Variants in CSMD1 observed in about 807,000 individuals in gnomAD.
The protein encoded by CSMD1 is CUB and sushi domain-containing protein 1.
CSMD1 carries 213 observed loss-of-function variants against 417.5 expected under a neutral mutation model. The observed-to-expected ratio is 0.51, with a 90% CI of 0.46 to 0.57. The LOEUF is 0.57. CSMD1 is among the 20% of genes least tolerant of loss of function. The pLI, the probability that CSMD1 is intolerant of heterozygous loss-of-function variation, is 0.00. For missense variants in CSMD1, 6,923 were observed against 4,529.7 expected (o/e 1.53, Z -15.17); for synonymous variants, 2,862 against 1,736.8 (o/e 1.65, Z -16.11).
At chr8:3,833,077 GATTTTT>G (rs1049407274) in intron 5 of CSMD1, among the ~76,000 whole-genome samples, 9 of 152,104 alleles carry the variant, frequency 5.9e-5, no homozygotes, top group East Asian at 3.8e-4. Flanking sequence ...GAATGTTTCT[GATTTTT>G]ATTTTTATTT....
At chr8:3,599,944 A>T (rs1445123193) in intron 8 of CSMD1, among the ~76,000 whole-genome samples, 1 of 152,184 alleles carries the variant, frequency 6.6e-6, no homozygotes, top group African/African-American at 2.4e-5. Context: ...GTCTTAAAGC[A>T]AAGTGTCGGT....
intron 4 of CSMD1, among the ~76,000 whole-genome samples, chr8:4,006,193 C>G (rs1585119444): frequency 6.6e-6 from 1 of 152,108 alleles, no homozygotes; most frequent in African/African-American, 2.4e-5. Context: ...CATTCTCATG[C>G]AGTTGCTGAG....
At chr8:4,430,220 T>A (rs1369147699) in intron 2 of CSMD1, among the ~76,000 whole-genome samples, 1 of 152,182 alleles carries the variant, frequency 6.6e-6, no homozygotes, top group Admixed American at 6.5e-5. Context: ...AGGCCCCAGC[T>A]TTCTCATGCC....
At chr8:4,456,678 T>G (rs1292352083) in intron 2 of CSMD1, among the ~76,000 whole-genome samples, 1 of 152,146 alleles carries the variant, frequency 6.6e-6, no homozygotes, top group African/African-American at 2.4e-5. Flanking sequence ...TCTGATCTGA[T>G]GGATGCTGGC....
intron 20 of CSMD1, 81 bp from the exon 21 acceptor site, chr8:3,359,421 A>T: frequency 5.5e-5 from 42 of 757,218 alleles, no homozygotes; most frequent in Non-Finnish European, 7.4e-5. Context: ...AAAAAGTGCT[A>T]TTACTAAAAA....
intron 10 of CSMD1, among the ~76,000 whole-genome samples, chr8:3,548,541 C>T (rs947078591): frequency 1.1e-4 from 16 of 151,872 alleles, no homozygotes; most frequent in South Asian, 2.1e-4. Flanking sequence ...TGAGAACATA[C>T]GATGTTTGGT....
chr8:3,376,793 A>T lies in CSMD1; in HGVS notation c.2783-7423T>A, dbSNP rs78582766. ...CATGTTGATATACAATATTATAATTATTTTTTTTTCTTTTCTGAAAGCTAT... is the reference window on the plus strand; with the variant it reads ...CATGTTGATATACAATATTATAATTTTTTTTTTTTCTTTTCTGAAAGCTAT... On this transcript the variant is annotated intron_variant, in intron 18 of 69. Coordinates refer to ENST00000635120, the MANE Select transcript of CSMD1 (RefSeq NM_033225.6). Among the ~76,000 whole-genome samples, 69 of 39,554 alleles carry T rather than the reference A, an allele frequency of 1.7e-3. 1 individual carries two copies. Among genetic ancestry groups the T allele is most frequent in the South Asian group, 1.6e-3 (3 of 1,824 alleles). The allele number at this position is 39,554 out of a possible 152,430, so 25.9% of individuals were successfully genotyped here. A position where few individuals can be genotyped will look rare whatever the true frequency, so the allele number is the denominator to read the frequency against.
At chr8:3,762,563 T>C (rs1254630591) in intron 5 of CSMD1, among the ~76,000 whole-genome samples, 1 of 152,212 alleles carries the variant, frequency 6.6e-6, no homozygotes, top group Admixed American at 6.5e-5. Context: ...TGTAACTCCA[T>C]TTGGTATCAC....
At chr8:3,241,684 G>T (rs982535122) in intron 26 of CSMD1, among the ~76,000 whole-genome samples, 1 of 152,198 alleles carries the variant, frequency 6.6e-6, no homozygotes, top group Admixed American at 6.5e-5. Flanking sequence ...CTTGTAGCAA[G>T]CTCCTGGGGG....
intron 3 of CSMD1, among the ~76,000 whole-genome samples, chr8:4,247,693 T>C (rs557810663): frequency 2.0e-5 from 3 of 152,166 alleles, no homozygotes; most frequent in Non-Finnish European, 2.9e-5. Context: ...AGCTTCTGCA[T>C]TTTTATTTTG....
At chr8:4,225,314 C>T (rs1158523288) in intron 3 of CSMD1, among the ~76,000 whole-genome samples, 2 of 152,012 alleles carry the variant, frequency 1.3e-5, no homozygotes, top group Admixed American at 6.6e-5. Context: ...TTTTCTGAAT[C>T]ATCGAGACTT....
intron 33 of CSMD1, among the ~76,000 whole-genome samples, chr8:3,199,017 A>T (rs1265948227): frequency 6.6e-6 from 1 of 152,230 alleles, no homozygotes; most frequent in East Asian, 1.9e-4. Context: ...CTCCACGCAA[A>T]GACTTAATCC....
At chr8:3,763,876 G>A (rs1441354644) in intron 5 of CSMD1, among the ~76,000 whole-genome samples, 2 of 152,102 alleles carry the variant, frequency 1.3e-5, no homozygotes, top group African/African-American at 4.8e-5. Flanking sequence ...TTAGACCTCA[G>A]CACCCCTGAC....
intron 7 of CSMD1, among the ~76,000 whole-genome samples, chr8:3,682,043 A>G (rs1181796456): frequency 6.6e-6 from 1 of 152,200 alleles, no homozygotes; most frequent in Non-Finnish European, 1.5e-5. Flanking sequence ...AATTAATTCA[A>G]GATGGATTAA....
intron 3 of CSMD1, among the ~76,000 whole-genome samples, chr8:4,199,077 T>G (rs1180942642): frequency 1.3e-5 from 2 of 152,148 alleles, no homozygotes; most frequent in African/African-American, 4.8e-5. Flanking sequence ...CCTGAGGTAG[T>G]AGAGCCAGCG....
intron 5 of CSMD1, among the ~76,000 whole-genome samples, chr8:3,907,733 T>C (rs1475517426): frequency 6.6e-6 from 1 of 152,154 alleles, no homozygotes; most frequent in Non-Finnish European, 1.5e-5. Context: ...GTTATGTGAG[T>C]AATCTCAGAC....
chr8:3,526,840 T>C (rs1797773577), intron 10 of CSMD1, among the ~76,000 whole-genome samples: 1 of 152,218 alleles, frequency 6.6e-6, no homozygotes, highest in Admixed American at 6.5e-5. Context: ...TCCTTTGCTT[T>C]CTTATTTACC....
chr8:3,906,723 T>C (rs1808139086), intron 5 of CSMD1, among the ~76,000 whole-genome samples: 1 of 152,092 alleles, frequency 6.6e-6, no homozygotes, highest in Non-Finnish European at 1.5e-5. Context: ...CACTGGCTGA[T>C]AGATTTTCCT....
At chr8:4,077,984 C>T (rs1233186645) in intron 3 of CSMD1, among the ~76,000 whole-genome samples, 8 of 152,014 alleles carry the variant, frequency 5.3e-5, no homozygotes, top group African/African-American at 1.9e-4. Flanking sequence ...CTCTCCGATT[C>T]CTCTTTCATC....
Sources: gnomAD v4.1 joint callset for allele counts (sites outside exome capture counted in the v4.1 genomes callset) on GRCh38, gnomAD v4.1.1 for gene constraint, MANE v1.5 for transcripts, NCBI Gene and HGNC (gene_info 2026-07-23, HGNC 2026-07-21) for gene names.